Variants in CADM1 observed in about 807,000 individuals in gnomAD.
The protein encoded by CADM1 is cell adhesion molecule 1.
Under a neutral mutation model 53.1 loss-of-function variants are expected in CADM1, and 15 were observed. That is an observed-to-expected ratio of 0.28 (90% confidence interval 0.19 to 0.44). The LOEUF (loss-of-function observed/expected upper bound fraction) is 0.44. Ranked by LOEUF, CADM1 falls within the 20% of genes least tolerant of loss-of-function variation. CADM1 has a pLI of 1.00. For synonymous variants in CADM1, 281 were observed against 243.0 expected (o/e 1.16, Z -1.45); for missense variants, 434 against 611.3 (o/e 0.71, Z 3.06).
At position 115,229,120 on chromosome 11, in the gene CADM1, T is replaced by G; in HGVS notation, c.714A>C (p.Glu238Asp). 1 of 1,613,956 alleles carries G rather than the reference T, an allele frequency of 6.2e-7. No homozygotes were observed. Among genetic ancestry groups the G allele is most frequent in the South Asian group, 1.1e-5 (1 of 91,076 alleles). Residue 238 changes from glutamate (E) to aspartate (D), a missense_variant, in exon 5 of 12, where the codon GAA (glutamate) becomes GAC (aspartate). Physicochemically the swap from Glu to Asp is conservative, Grantham distance 45 (BLOSUM62 2). This residue lies in a region of CADM1 where 311 missense variants were observed against 435.1 expected (regional missense o/e 0.71). Coordinates refer to ENST00000331581, the MANE Select transcript of CADM1 (RefSeq NM_001301043.2). ...AGATACCAGGGTACTCACACTGTAC[T>G]TCTAGATACCGCTGGGTCTGCAGGT... ...TGNLQTQRYLEVQYKPQVHIQ... is the reference protein window; with the variant it reads ...TGNLQTQRYLDVQYKPQVHIQ...
chr11:115,417,532 A>G (rs1947630160), intron 1 of CADM1, among the ~76,000 whole-genome samples: 1 of 152,166 alleles, frequency 6.6e-6, no homozygotes, highest in Non-Finnish European at 1.5e-5. Context: ...CAATCATAAA[A>G]CAGAATAAGT....
rs944951291 is a variant in CADM1, at chr11:115,251,518, T to C, written c.125-11098A>G. On this transcript the variant is annotated intron_variant, in intron 1 of 11. Transcript: ENST00000331581. ...GTGTATTCTGTGAGTGTGTGTAATA[T>C]GGTTTGTTCAAGAAACAGCTGTAAA... Among the ~76,000 whole-genome samples, 3 of 151,458 alleles carry C rather than the reference T, an allele frequency of 2.0e-5. No individual in the cohort carries two copies. In the East Asian group the frequency reaches 5.8e-4, roughly 29 times the overall value.
intron 1 of CADM1, among the ~76,000 whole-genome samples, chr11:115,354,178 A>G (rs1480255550): frequency 6.6e-6 from 1 of 152,226 alleles, no homozygotes; most frequent in Non-Finnish European, 1.5e-5. Context: ...TGAACTGATT[A>G]AAAGATATGG....
At chr11:115,499,949 G>A (rs893447620) in intron 1 of CADM1, among the ~76,000 whole-genome samples, 5 of 152,100 alleles carry the variant, frequency 3.3e-5, no homozygotes, top group Admixed American at 6.6e-5. Context: ...ATATAAGTAT[G>A]TATATGTATG....
At chr11:115,316,772 C>T (rs1367677277) in intron 1 of CADM1, among the ~76,000 whole-genome samples, 1 of 152,124 alleles carries the variant, frequency 6.6e-6, no homozygotes. Flanking sequence ...GCATATGAGA[C>T]AGCAAGAGAA....
At chr11:115,206,397 C>A (rs1286311655) in intron 8 of CADM1, among the ~76,000 whole-genome samples, 1 of 152,174 alleles carries the variant, frequency 6.6e-6, no homozygotes, top group East Asian at 1.9e-4. Flanking sequence ...TGTGCTCCCA[C>A]CCATGAGGGG....
chr11:115,229,104 G>T lies in CADM1; in HGVS notation c.721+9C>A. ...CTACGCCCTCAGAATAAGATACCAG[G>T]GTACTCACACTGTACTTCTAGATAC... On this transcript the variant is annotated intron_variant, in intron 5 of 11. Coordinates refer to ENST00000331581, the MANE Select transcript of CADM1 (RefSeq NM_001301043.2). 1.2e-6 allele frequency: 2 copies of T among 1,613,568 alleles called. No homozygotes were observed. Among genetic ancestry groups the T allele is most frequent in the Non-Finnish European group, 8.5e-7 (1 of 1,179,882 alleles).
intron 5 of CADM1, chr11:115,218,220 G>A (rs1030250477): frequency 6.1e-5 from 32 of 525,268 alleles, no homozygotes; most frequent in African/African-American, 2.1e-4. Flanking sequence ...AGCCAACTGC[G>A]CCACATCAAA....
intron 3 of CADM1, among the ~76,000 whole-genome samples, chr11:115,237,202 T>C (rs1942039289): frequency 6.6e-6 from 1 of 152,106 alleles, no homozygotes; most frequent in Non-Finnish European, 1.5e-5. Context: ...ATCTGCAAAA[T>C]ACCAAAATAG....
intron 1 of CADM1, among the ~76,000 whole-genome samples, chr11:115,390,022 C>T (rs978360246): frequency 2.6e-5 from 4 of 152,182 alleles, no homozygotes; most frequent in East Asian, 1.9e-4. Context: ...GTAAGTGGTA[C>T]TTATTTAGAG....
chr11:115,373,363 T>C (rs549637256), intron 1 of CADM1, among the ~76,000 whole-genome samples: 36 of 151,870 alleles, frequency 2.4e-4, no homozygotes, highest in Non-Finnish European at 4.1e-4. Context: ...GGCAGGTGAA[T>C]TACTTGAGGT....
chr11:115,176,190 C>T lies in CADM1; in HGVS notation c.*284G>A. ...AACAAAAAACAAGGCACAGAATTTT[C>T]TGCAATCTACTGAAACTAAATCCAA... On this transcript the variant is annotated 3_prime_UTR_variant, in exon 12 of 12. Transcript: ENST00000331581. 8.3e-7 allele frequency: 1 copy of T among 1,200,350 alleles called. No individual in the cohort carries two copies. The highest frequency in any genetic ancestry group is 1.0e-6 in the Non-Finnish European group (1 of 952,972). 74.4% of individuals were successfully genotyped at this position (1,200,350 alleles called of 1,614,324 possible).
At chr11:115,257,921 C>A (rs1942845761) in intron 1 of CADM1, among the ~76,000 whole-genome samples, 4 of 152,198 alleles carry the variant, frequency 2.6e-5, no homozygotes, top group Admixed American at 2.6e-4. Context: ...CAGGCGTTTG[C>A]ATGCCTAGTA....
intron 1 of CADM1, 109 bp downstream of exon 1, chr11:115,504,162 T>A (rs755831151): frequency 6.9e-6 from 10 of 1,459,508 alleles, no homozygotes; most frequent in Non-Finnish European, 9.4e-6. Context: ...CCGCTTCGGA[T>A]GTAGGAAGTG....
chr11:115,462,620 T>C (rs560779483), intron 1 of CADM1, among the ~76,000 whole-genome samples: 1 of 152,192 alleles, frequency 6.6e-6, no homozygotes, highest in East Asian at 1.9e-4. Flanking sequence ...ATTTTTGATG[T>C]GGAGGAGGAG....
At chr11:115,188,924 C>G (rs1002919924) in intron 10 of CADM1, among the ~76,000 whole-genome samples, 1 of 151,600 alleles carries the variant, frequency 6.6e-6, no homozygotes, top group Non-Finnish European at 1.5e-5. Flanking sequence ...CTTCAGATGT[C>G]TCTTTGCTGC....
At chr11:115,440,910 CT>C (rs933816262) in intron 1 of CADM1, among the ~76,000 whole-genome samples, 4 of 152,260 alleles carry the variant, frequency 2.6e-5, no homozygotes, top group African/African-American at 9.6e-5. Context: ...TCCAGTGTAG[CT>C]GGGACCACAG....
intron 9 of CADM1, among the ~76,000 whole-genome samples, chr11:115,194,885 C>T (rs542443567): frequency 2.6e-5 from 4 of 152,296 alleles, no homozygotes; most frequent in Middle Eastern, 3.4e-3. Flanking sequence ...TATGAACAAA[C>T]GAAAACCATC....
rs183199029 is a variant in CADM1 at position 115,419,321 on chromosome 11, C to T, written c.124+84950G>A. Among the ~76,000 whole-genome samples, 175 of 152,256 alleles carry T rather than the reference C, an allele frequency of 1.1e-3. 1 individual carries two copies. The Middle Eastern group carries it at 0.014, about 12-fold the overall frequency. On this transcript the variant is annotated intron_variant, in intron 1 of 11. Coordinates refer to ENST00000331581, the MANE Select transcript of CADM1 (RefSeq NM_001301043.2). The stretch of plus-strand genomic sequence containing the variant: ...TCCCTTCTCACAACAGTGTTCAATC[C>T]ATCATACTCTGAAGTACACAAGTAA...
Sources: gnomAD v4.1 joint callset for allele counts (sites outside exome capture counted in the v4.1 genomes callset) on GRCh38, gnomAD v4.1.1 for gene constraint, gnomAD v4.1.1 regional missense constraint, MANE v1.5 for transcripts, NCBI Gene and HGNC (gene_info 2026-07-23, HGNC 2026-07-21) for gene names.